TENM1: variants seen among roughly 807,000 people sequenced by gnomAD.
TENM1 encodes teneurin-1.
A neutral mutation model predicts 174.8 loss-of-function variants in TENM1; 35 were observed. The observed-to-expected ratio is 0.20, with a 90% CI of 0.15 to 0.27. TENM1 has a LOEUF of 0.27. Among genes scored for constraint, TENM1 ranks in the 10% least tolerant of loss-of-function variants. TENM1 has a pLI of 1.00. For synonymous variants in TENM1, 781 were observed against 798.7 expected, an observed-to-expected ratio of 0.98 and a Z score of 0.37; for missense variants, 1,633 against 2,130.1, an observed-to-expected ratio of 0.77 and a Z score of 4.59.
At chrX:124,575,563 G>A (rs1386407136) in intron 11 of TENM1, among the ~76,000 whole-genome samples, 2 of 111,929 alleles carry the variant, frequency 1.8e-5, no homozygotes, top group East Asian at 5.6e-4. Context: ...AAGATCAAAA[G>A]TTGTAATGAC....
At chrX:124,726,725 G>A (rs2053449970) in intron 4 of TENM1, among the ~76,000 whole-genome samples, 1 of 111,328 alleles carries the variant, frequency 9.0e-6, no homozygotes, top group African/African-American at 3.3e-5. Flanking sequence ...TTTTTCCATT[G>A]CAAATGTTCT....
intron 21 of TENM1, among the ~76,000 whole-genome samples, chrX:124,482,969 C>G (rs1258933452): frequency 5.3e-5 from 6 of 112,252 alleles, no homozygotes; most frequent in South Asian, 7.3e-4. Context: ...CAGAAACATT[C>G]TCATCTTCCA....
intron 27 of TENM1, among the ~76,000 whole-genome samples, chrX:124,394,763 T>C (rs779633220): frequency 4.0e-4 from 45 of 112,448 alleles, no homozygotes; most frequent in African/African-American, 1.4e-3. Context: ...ACAACTAGGA[T>C]TGTATTTAAA....
At chrX:124,519,155 G>C (rs2047784605) in intron 18 of TENM1, among the ~76,000 whole-genome samples, 1 of 111,702 alleles carries the variant, frequency 9.0e-6, no homozygotes, top group African/African-American at 3.3e-5. Flanking sequence ...TGACAGAGCA[G>C]ATGCAGACCT....
chrX:124,480,084 A>G (rs938045839), intron 22 of TENM1, among the ~76,000 whole-genome samples: 1 of 111,815 alleles, frequency 8.9e-6, no homozygotes, highest in Non-Finnish European at 1.9e-5. Context: ...TCAATTACAC[A>G]ATAAGTATGT....
chrX:124,952,641 T>C (rs956481283), intron 1 of TENM1, among the ~76,000 whole-genome samples: 2 of 111,628 alleles, frequency 1.8e-5, no homozygotes, highest in Non-Finnish European at 3.8e-5. Context: ...TGGACTTTAG[T>C]AGTGAAGCCT....
chrX:124,376,442 A>G (rs1302262320), exon 32 of TENM1: 1 of 112,437 alleles, frequency 8.9e-6, no homozygotes, highest in African/African-American at 3.2e-5. Context: ...CTGATATACT[A>G]ACATTTATTT....
intron 3 of TENM1, among the ~76,000 whole-genome samples, chrX:124,873,272 T>C (rs2057141357): frequency 9.0e-6 from 1 of 111,402 alleles, no homozygotes; most frequent in African/African-American, 3.3e-5. Context: ...CACAGCCACT[T>C]ACTTCCTCTC....
At chrX:124,846,139 A>G (rs1403557758) in intron 3 of TENM1, among the ~76,000 whole-genome samples, 1 of 109,926 alleles carries the variant, frequency 9.1e-6, no homozygotes, top group Non-Finnish European at 1.9e-5. Context: ...ACGCAGGGAA[A>G]AAAGTAACCT....
chrX:124,939,181 C>T (rs778215941), intron 1 of TENM1, among the ~76,000 whole-genome samples: 3 of 111,886 alleles, frequency 2.7e-5, no homozygotes, highest in Admixed American at 9.5e-5. Flanking sequence ...AATCTTACTC[C>T]GCCAATGATA....
At chrX:124,832,677 C>T (rs375239498) in intron 3 of TENM1, among the ~76,000 whole-genome samples, 14 of 112,066 alleles carry the variant, frequency 1.2e-4, no homozygotes, top group Middle Eastern at 4.2e-3. Context: ...CGGGCTCAAG[C>T]GATCCTCCCA....
chrX:124,975,086 T>C, the TENM1 span, among the ~76,000 whole-genome samples: 2 of 107,451 alleles, frequency 1.9e-5, no homozygotes, highest in Admixed American at 1.0e-4. Flanking sequence ...TTGCAAATAA[T>C]ATACAGTTCT....
At chrX:124,581,506 G>A (rs985788500) in intron 11 of TENM1, among the ~76,000 whole-genome samples, 2 of 111,573 alleles carry the variant, frequency 1.8e-5, no homozygotes, top group Non-Finnish European at 3.8e-5. Flanking sequence ...ACATGCAAGT[G>A]GATGTGTCTT....
intron 16 of TENM1, among the ~76,000 whole-genome samples, chrX:124,527,918 A>C (rs1244462230): frequency 1.9e-4 from 20 of 105,922 alleles, no homozygotes; most frequent in Non-Finnish European, 3.7e-4. Context: ...AGCCTCCCAA[A>C]GTGCTGGGAT....
At chrX:124,687,899 C>G (rs774528810) in intron 5 of TENM1, among the ~76,000 whole-genome samples, 1 of 112,274 alleles carries the variant, frequency 8.9e-6, no homozygotes, top group Non-Finnish European at 1.9e-5. Flanking sequence ...CTGTCAAGGA[C>G]TGGGGGTAGA....
the TENM1 span, among the ~76,000 whole-genome samples, chrX:125,054,428 AAC>A: frequency 9.0e-6 from 1 of 110,880 alleles, no homozygotes; most frequent in Non-Finnish European, 1.9e-5. Context: ...AGAACGGATT[AAC>A]ACAGTTGACA....
At chrX:124,572,608 A>T (rs1335942633) in intron 11 of TENM1, among the ~76,000 whole-genome samples, 1 of 111,557 alleles carries the variant, frequency 9.0e-6, no homozygotes, top group Non-Finnish European at 1.9e-5. Context: ...CCAAAGACAT[A>T]AAAAATTGGA....
intron 18 of TENM1, among the ~76,000 whole-genome samples, chrX:124,519,086 T>C (rs2047783550): frequency 8.9e-6 from 1 of 111,882 alleles, no homozygotes; most frequent in Non-Finnish European, 1.9e-5. Flanking sequence ...GTCTTAAGTA[T>C]GGCTGAGTCA....
the TENM1 span, among the ~76,000 whole-genome samples, chrX:125,108,593 T>C: frequency 0.22 from 24,021 of 108,202 alleles, 4,022 homozygotes; most frequent in African/African-American, 0.57. Flanking sequence ...TGGTCGTACC[T>C]GGCTGAGGCA....
Sources: gnomAD v4.1 joint callset for allele counts (sites outside exome capture counted in the v4.1 genomes callset) on GRCh38, gnomAD v4.1.1 for gene constraint, MANE v1.5 for transcripts, NCBI Gene and HGNC (gene_info 2026-07-23, HGNC 2026-07-21) for gene names.